Variants in DNM3 observed in about 807,000 individuals in gnomAD.
DNM3 encodes dynamin-3.
In DNM3, 47 loss-of-function variants were observed where a neutral mutation model predicts 101.6. That is an observed-to-expected ratio of 0.46 (90% CI 0.37 to 0.59). The LOEUF (loss-of-function observed/expected upper bound fraction) is 0.59. DNM3 is among the 20% of genes least tolerant of loss of function. DNM3 has a pLI of 0.00. For missense variants in DNM3, 849 were observed against 1,085.7 expected (o/e 0.78, Z 3.06); for synonymous variants, 385 against 387.9 (o/e 0.99, Z 0.09).
intron 14 of DNM3, among the ~76,000 whole-genome samples, chr1:172,206,895 T>G (rs893624897): frequency 3.3e-5 from 5 of 152,038 alleles, no homozygotes; most frequent in African/African-American, 1.2e-4. Context: ...TTACTGAAGC[T>G]CCCCAGATTA....
At chr1:172,345,009 A>T (rs537193281) in intron 17 of DNM3, among the ~76,000 whole-genome samples, 1 of 152,364 alleles carries the variant, frequency 6.6e-6, no homozygotes, top group South Asian at 2.1e-4. Context: ...AGCCTTATAA[A>T]AGTTTTATTC....
chr1:172,394,886 A>G (rs1331914658), intron 20 of DNM3, among the ~76,000 whole-genome samples: 1 of 152,152 alleles, frequency 6.6e-6, no homozygotes, highest in Non-Finnish European at 1.5e-5. Context: ...TAAAAAAAAA[A>G]GTTTTGCCCA....
intron 1 of DNM3, among the ~76,000 whole-genome samples, chr1:171,881,093 G>T (rs2036232043): frequency 6.6e-6 from 1 of 152,054 alleles, no homozygotes; most frequent in Non-Finnish European, 1.5e-5. Context: ...AGGCAGTTAT[G>T]ATACCATCTT....
At chr1:172,208,504 G>A (rs747332453) in intron 14 of DNM3, among the ~76,000 whole-genome samples, 4 of 152,066 alleles carry the variant, frequency 2.6e-5, no homozygotes, top group Admixed American at 1.3e-4. Flanking sequence ...TGAGATCTCC[G>A]AGGAAAAGTG....
chr1:171,959,667 G>A (rs1474360241), intron 2 of DNM3, among the ~76,000 whole-genome samples: 1 of 152,180 alleles, frequency 6.6e-6, no homozygotes, highest in African/African-American at 2.4e-5. Flanking sequence ...AGTGTCAGGA[G>A]ACAGAGAAGT....
intron 14 of DNM3, among the ~76,000 whole-genome samples, chr1:172,237,780 G>A (rs2061600142): frequency 6.6e-6 from 1 of 152,116 alleles, no homozygotes; most frequent in Admixed American, 6.6e-5. Flanking sequence ...AATTTAAGTA[G>A]AACCATATTA....
At chr1:171,851,974 C>A (rs1032268287) in intron 1 of DNM3, among the ~76,000 whole-genome samples, 4 of 152,138 alleles carry the variant, frequency 2.6e-5, no homozygotes, top group Admixed American at 1.3e-4. Flanking sequence ...TACTTCTAGT[C>A]ATTTATTTGG....
chr1:172,024,896 A>G (rs935109088), intron 4 of DNM3, among the ~76,000 whole-genome samples: 1 of 152,138 alleles, frequency 6.6e-6, no homozygotes. Context: ...ACACCGAGCT[A>G]GCTGCAGCAG....
At chr1:171,937,904 A>G (rs1011944730) in intron 2 of DNM3, among the ~76,000 whole-genome samples, 1 of 152,152 alleles carries the variant, frequency 6.6e-6, no homozygotes, top group African/African-American at 2.4e-5. Context: ...TTCAAGGACT[A>G]GTATCAGTTG....
intron 13 of DNM3, among the ~76,000 whole-genome samples, chr1:172,106,579 C>T (rs1000221704): frequency 3.3e-5 from 5 of 151,946 alleles, no homozygotes; most frequent in African/African-American, 4.8e-5. Context: ...ACATGTACCC[C>T]GGAACTTAAA....
intron 10 of DNM3, among the ~76,000 whole-genome samples, chr1:172,067,854 T>A (rs1365060617): frequency 6.6e-6 from 1 of 152,188 alleles, no homozygotes; most frequent in Non-Finnish European, 1.5e-5. Flanking sequence ...GGGGAGAATT[T>A]AAAAAGTTAA....
At chr1:172,412,825 C>G (rs2071286093), downstream of DNM3, 1 of 845,888 alleles carries the variant, frequency 1.2e-6, no homozygotes, top group South Asian at 5.4e-5. Context: ...CCCAGAGTTA[C>G]CAAAGTAAAG....
chr1:171,987,615 G>A, intron 2 of DNM3, 41 bp from the exon 3 acceptor site: 3 of 1,509,344 alleles, frequency 2.0e-6, no homozygotes, highest in South Asian at 2.7e-5. Flanking sequence ...TGGCAAAAAT[G>A]CATGAATTTA....
chr1:172,388,867 T>C, intron 20 of DNM3, 58 bp downstream of exon 20: 1 of 1,328,400 alleles, frequency 7.5e-7, no homozygotes, highest in Non-Finnish European at 1.0e-6. Flanking sequence ...TCTCATAGAA[T>C]GACAGACAAA....
rs2060133744 is a variant in DNM3 at position 172,201,023 on chromosome 1, T to C, written c.1660-52550T>C. On this transcript the variant is annotated intron_variant, in intron 14 of 20. Transcript: ENST00000627582. ...GTGTTCCTTTTAATGGCAGTATAGA[T>C]TGAGTACAGTCAATAGACTTCTTTT... is the stretch of plus-strand genomic sequence containing the variant. Among the ~76,000 whole-genome samples the C allele has an allele frequency of 2.0e-5, 3 of 152,268 alleles. No homozygotes were observed. The South Asian group carries it at 6.2e-4, about 32-fold the overall frequency.
intron 4 of DNM3, among the ~76,000 whole-genome samples, chr1:172,024,962 C>A (rs1281276801): frequency 2.6e-5 from 4 of 152,162 alleles, no homozygotes; most frequent in African/African-American, 9.7e-5. Context: ...ACAATTCACT[C>A]CCCTGGAAAG....
intron 14 of DNM3, among the ~76,000 whole-genome samples, chr1:172,172,030 T>C (rs969056079): frequency 3.3e-5 from 5 of 151,506 alleles, no homozygotes; most frequent in Non-Finnish European, 7.4e-5. Context: ...GCTTATTGAA[T>C]TGATAAATAT....
intron 1 of DNM3, among the ~76,000 whole-genome samples, chr1:171,883,915 C>T (rs1000404335): frequency 1.3e-5 from 2 of 152,216 alleles, no homozygotes; most frequent in African/African-American, 4.8e-5. Flanking sequence ...TTTGGGGCCT[C>T]TCTCTTATAA....
chr1:172,286,014 T>C (rs940811372), intron 15 of DNM3, among the ~76,000 whole-genome samples: 2 of 151,972 alleles, frequency 1.3e-5, no homozygotes, highest in African/African-American at 4.8e-5. Flanking sequence ...CTGCTTGCCT[T>C]GCATTGATAG....
Sources: gnomAD v4.1 joint callset for allele counts (sites outside exome capture counted in the v4.1 genomes callset) on GRCh38, gnomAD v4.1.1 for gene constraint, MANE v1.5 for transcripts, NCBI Gene and HGNC (gene_info 2026-07-23, HGNC 2026-07-21) for gene names.